The following AGBL1 variants were observed in gnomAD, a reference collection of about 807,000 sequenced individuals.
AGBL1 encodes the protein AGBL carboxypeptidase 1.
Under a neutral mutation model 118.9 loss-of-function variants are expected in AGBL1, and 130 were observed. The ratio of observed to expected loss-of-function variants is 1.09; its 90% CI spans 0.95 to 1.26. The LOEUF (loss-of-function observed/expected upper bound fraction) is 1.26, where lower values mean the gene tolerates loss of function less well. Ranked by LOEUF, AGBL1 falls within the 50% of genes most tolerant of loss-of-function variation. AGBL1 has a pLI of 0.00. For synonymous variants in AGBL1, 555 were observed against 478.9 expected (o/e 1.16, Z -2.08); for missense variants, 1,584 against 1,298.1 (o/e 1.22, Z -3.38).
intron 18 of AGBL1, among the ~76,000 whole-genome samples, chr15:86,430,210 A>G (rs1027654782): frequency 3.9e-5 from 6 of 152,182 alleles, no homozygotes; most frequent in African/African-American, 1.4e-4. Flanking sequence ...TTAAAGATAT[A>G]TCTCAGCCAG....
intron 17 of AGBL1, among the ~76,000 whole-genome samples, chr15:86,341,628 T>A (rs1225347116): frequency 6.6e-6 from 1 of 152,172 alleles, no homozygotes; most frequent in East Asian, 1.9e-4. Context: ...GTAGAACTTA[T>A]CATTTCATGC....
intron 22 of AGBL1, among the ~76,000 whole-genome samples, chr15:86,732,172 A>G (rs905590877): frequency 1.3e-5 from 2 of 152,262 alleles, no homozygotes; most frequent in African/African-American, 4.8e-5. Context: ...GTAGGGCTCT[A>G]GAGACTAATA....
rs2076969472 is a variant in AGBL1 at position 86,141,996 on chromosome 15, C to T, written c.52-8C>T. ...TCTTAAATATGGCTGCCTGTGTTCT[C>T]ATTGCAGAGCTCCTCTGACAAGGAG... On this transcript the variant is annotated splice_region_variant and splice_polypyrimidine_tract_variant and intron_variant, in intron 1 of 22. Coordinates refer to ENST00000614907, the MANE Select transcript of AGBL1 (RefSeq NM_001386094.1). 2 of 1,549,378 alleles carry T rather than the reference C, an allele frequency of 1.3e-6. No individual in the cohort carries two copies. The highest frequency in any genetic ancestry group is 1.4e-5 in the African/African-American group (1 of 73,054).
chr15:86,161,555 T>C (rs910087857), intron 5 of AGBL1, among the ~76,000 whole-genome samples: 10 of 152,230 alleles, frequency 6.6e-5, no homozygotes, highest in African/African-American at 2.2e-4. Flanking sequence ...ATTTTATTTC[T>C]ACAACCATCA....
intron 22 of AGBL1, among the ~76,000 whole-genome samples, chr15:86,732,717 A>G (rs1392864002): frequency 3.9e-5 from 6 of 152,100 alleles, no homozygotes; most frequent in African/African-American, 1.4e-4. Flanking sequence ...AGACTGTGCC[A>G]TATATTAGCT....
chr15:86,779,901 A>G (rs1013316827), intron 22 of AGBL1, among the ~76,000 whole-genome samples: 2 of 144,530 alleles, frequency 1.4e-5, no homozygotes, highest in African/African-American at 5.1e-5. Flanking sequence ...TTGGAAAAGT[A>G]TGTGTTGGAC....
intron 5 of AGBL1, among the ~76,000 whole-genome samples, chr15:86,215,163 C>T (rs1179276955): frequency 6.6e-6 from 1 of 150,532 alleles, no homozygotes; most frequent in Non-Finnish European, 1.5e-5. Flanking sequence ...TAGCAAGATC[C>T]GTGTGTTACC....
At chr15:86,272,186 A>G (rs1320923806) in intron 15 of AGBL1, among the ~76,000 whole-genome samples, 2 of 152,188 alleles carry the variant, frequency 1.3e-5, no homozygotes, top group Non-Finnish European at 2.9e-5. Context: ...TGTGGAAAAA[A>G]ATAAAAGAGG....
At chr15:87,015,325 C>A (rs542511713) in intron 24 of AGBL1, among the ~76,000 whole-genome samples, 3 of 152,238 alleles carry the variant, frequency 2.0e-5, no homozygotes, top group Non-Finnish European at 4.4e-5. Context: ...GAAGCCAATT[C>A]CCCTAATAAA....
At chr15:86,130,197 C>G (rs889324166) in intron 1 of AGBL1, among the ~76,000 whole-genome samples, 1 of 152,126 alleles carries the variant, frequency 6.6e-6, no homozygotes, top group African/African-American at 2.4e-5. Context: ...TCTGAGGGCA[C>G]ACCTGTCCTC....
intron 17 of AGBL1, among the ~76,000 whole-genome samples, chr15:86,312,742 C>T (rs1282503362): frequency 6.6e-6 from 1 of 152,094 alleles, no homozygotes. Context: ...ATGCACATCC[C>T]GTTAGGAAGT....
chr15:86,770,608 T>C (rs959227177), intron 22 of AGBL1, among the ~76,000 whole-genome samples: 3 of 151,902 alleles, frequency 2.0e-5, no homozygotes, highest in African/African-American at 7.2e-5. Flanking sequence ...GATGGCAGAG[T>C]TGGTCAGAGG....
At chr15:86,235,293 T>G (rs1189398507) in intron 6 of AGBL1, among the ~76,000 whole-genome samples, 5 of 152,188 alleles carry the variant, frequency 3.3e-5, no homozygotes, top group Admixed American at 6.5e-5. Context: ...ACACTCAGAG[T>G]AAGTTATCTA....
chr15:86,368,154 C>T (rs1296944113), intron 17 of AGBL1, among the ~76,000 whole-genome samples: 1 of 152,046 alleles, frequency 6.6e-6, no homozygotes, highest in Non-Finnish European at 1.5e-5. Context: ...CCAGGAATAG[C>T]ACCAAGATGC....
At chr15:86,115,761 C>CACATACCA (rs749592954) in intron 1 of AGBL1, among the ~76,000 whole-genome samples, 43 of 152,300 alleles carry the variant, frequency 2.8e-4, no homozygotes, top group African/African-American at 9.1e-4. Context: ...CTTCCTCAGT[C>CACATACCA]ACATACCATG....
intron 22 of AGBL1, among the ~76,000 whole-genome samples, chr15:86,867,226 T>C (rs2079645470): frequency 6.6e-6 from 1 of 152,180 alleles, no homozygotes; most frequent in South Asian, 2.1e-4. Context: ...TCATTGAAGG[T>C]TTACTCAGCC....
chr15:86,430,676 G>C (rs1010052388), intron 18 of AGBL1, among the ~76,000 whole-genome samples: 5 of 152,090 alleles, frequency 3.3e-5, no homozygotes, highest in African/African-American at 1.2e-4. Flanking sequence ...TCAGTAATTT[G>C]CTGTGGAAGC....
At chr15:86,436,932 A>G (rs2082007123) in intron 18 of AGBL1, among the ~76,000 whole-genome samples, 1 of 152,168 alleles carries the variant, frequency 6.6e-6, no homozygotes, top group South Asian at 2.1e-4. Flanking sequence ...TAACTCACCA[A>G]AGTAAAACAA....
intron 23 of AGBL1, among the ~76,000 whole-genome samples, chr15:86,980,368 C>T (rs1038044967): frequency 2.0e-5 from 3 of 152,158 alleles, no homozygotes; most frequent in Admixed American, 1.3e-4. Context: ...CCTGCGGGAG[C>T]ATTCCAAAAA....
Sources: gnomAD v4.1 joint callset for allele counts (sites outside exome capture counted in the v4.1 genomes callset) on GRCh38, gnomAD v4.1.1 for gene constraint, MANE v1.5 for transcripts, NCBI Gene and HGNC (gene_info 2026-07-23, HGNC 2026-07-21) for gene names.